The following SCLT1 variants were observed in gnomAD, a reference collection of about 807,000 sequenced individuals.
SCLT1 encodes the protein sodium channel and clathrin linker 1.
SCLT1 carries 78 observed loss-of-function variants against 112.8 expected under a neutral mutation model. The ratio of observed to expected loss-of-function variants is 0.69; its 90% CI spans 0.58 to 0.83. The LOEUF (loss-of-function observed/expected upper bound fraction) is 0.83, where lower values mean the gene tolerates loss of function less well. SCLT1 is among the 40% of genes least tolerant of loss of function. The probability of loss-of-function intolerance (pLI) is 0.00; values close to 1 mark genes in which losing one functional copy is unlikely to be tolerated. For missense variants in SCLT1, 747 were observed against 770.4 expected (o/e 0.97, Z 0.36); for synonymous variants, 257 against 254.7 (o/e 1.01, Z -0.09).
intron 10 of SCLT1, among the ~76,000 whole-genome samples, chr4:128,969,072 A>T (rs1417419162): frequency 6.6e-6 from 1 of 152,148 alleles, no homozygotes; most frequent in East Asian, 1.9e-4. Context: ...AGCAAACTCA[A>T]ATATCTAGTT....
chr4:129,025,066 C>T (rs1416622448), intron 5 of SCLT1, among the ~76,000 whole-genome samples: 6 of 152,196 alleles, frequency 3.9e-5, no homozygotes, highest in African/African-American at 9.7e-5. Context: ...ACCAAATCTA[C>T]GTCTGATTGG....
At position 129,061,016 on chromosome 4, in the gene SCLT1, G is replaced by A. The variant is rs60436373; in HGVS notation, c.103-16965C>T. 5.3e-3 allele frequency among the ~76,000 whole-genome samples: 804 copies of A among 152,206 alleles called. 6 individuals carry two copies. The highest frequency in any genetic ancestry group is 0.018 in the African/African-American group (765 of 41,514). On this transcript the variant is annotated intron_variant, in intron 2 of 20. Transcript: ENST00000281142. Reference sequence around the variant, plus strand: ...CTTGTGGTTCTATCCCTGGGTGGGGGCAGGGCACAGCACTGGCCCAACTCC... The same window carrying A: ...CTTGTGGTTCTATCCCTGGGTGGGGACAGGGCACAGCACTGGCCCAACTCC...
At chr4:129,075,332 T>C (rs1751369857) in intron 2 of SCLT1, among the ~76,000 whole-genome samples, 1 of 152,148 alleles carries the variant, frequency 6.6e-6, no homozygotes, top group Admixed American at 6.6e-5. Context: ...AATCCTTTCG[T>C]TTATATCATG....
chr4:128,873,282 A>G (rs1732338517), intron 5 of SCLT1: 1 of 145,572 alleles, frequency 6.9e-6, no homozygotes, highest in Non-Finnish European at 1.5e-5. Flanking sequence ...AGAAAAAAAG[A>G]AAAAAAAAAG....
chr4:129,049,535 C>T (rs1488259261), intron 2 of SCLT1, among the ~76,000 whole-genome samples: 5 of 148,436 alleles, frequency 3.4e-5, no homozygotes, highest in East Asian at 4.0e-4. Context: ...CGCTAAATGA[C>T]GAGTTAATGT....
intron 18 of SCLT1, among the ~76,000 whole-genome samples, chr4:128,925,624 CATT>C (rs2125966710): frequency 6.6e-6 from 1 of 152,158 alleles, no homozygotes; most frequent in East Asian, 1.9e-4. Context: ...GTGTCTGGCC[CATT>C]ATTTCTTAAA....
intron 5 of SCLT1, among the ~76,000 whole-genome samples, chr4:129,026,605 T>C (rs1746113287): frequency 1.3e-5 from 2 of 151,676 alleles, no homozygotes; most frequent in South Asian, 4.2e-4. Flanking sequence ...GCAGGAAAGA[T>C]CCAAAATTGA....
At chr4:129,073,380 T>A (rs1166679138) in intron 2 of SCLT1, among the ~76,000 whole-genome samples, 2 of 152,216 alleles carry the variant, frequency 1.3e-5, no homozygotes, top group African/African-American at 4.8e-5. Flanking sequence ...TTGGGATGAC[T>A]GAACAGTTCA....
At chr4:129,091,766 T>C (rs1752842336) in intron 1 of SCLT1, among the ~76,000 whole-genome samples, 1 of 152,238 alleles carries the variant, frequency 6.6e-6, no homozygotes. Flanking sequence ...CTTGTGTTCT[T>C]ATACTCATTA....
At chr4:128,988,552 A>T (rs1442440908) in intron 9 of SCLT1, among the ~76,000 whole-genome samples, 1 of 151,966 alleles carries the variant, frequency 6.6e-6, no homozygotes, top group Non-Finnish European at 1.5e-5. Context: ...ACACAAAGGA[A>T]GACAGAAAGG....
In SCLT1 at chr4:128,895,911, G is replaced by T. The variant is rs1271936106; in HGVS notation, c.1830-4774C>A. 2.0e-5 allele frequency among the ~76,000 whole-genome samples: 3 copies of T among 152,320 alleles called. No individual in the cohort carries two copies. The East Asian group carries it at 5.8e-4, about 29-fold the overall frequency. ...TTATATCCTCTGCCTGGCTTGAAGG[G>T]TCCTATGCCCACGGAGCCTCGCTCA... On this transcript the variant is annotated intron_variant, in intron 18 of 20. Coordinates refer to ENST00000281142, the MANE Select transcript of SCLT1 (RefSeq NM_144643.4).
intron 5 of SCLT1, chr4:129,036,621 C>T (rs1747203967): frequency 6.6e-6 from 1 of 151,824 alleles, no homozygotes; most frequent in Non-Finnish European, 1.5e-5. Context: ...CTTTATTTTG[C>T]ACTTCAGTAA....
chr4:129,059,178 T>C (rs1749725900), intron 2 of SCLT1, among the ~76,000 whole-genome samples: 1 of 152,180 alleles, frequency 6.6e-6, no homozygotes, highest in Non-Finnish European at 1.5e-5. Context: ...TGTTTACAGG[T>C]GAAGTGAGTT....
intron 9 of SCLT1, among the ~76,000 whole-genome samples, chr4:128,979,965 A>G (rs560815554): frequency 6.6e-6 from 1 of 152,364 alleles, no homozygotes; most frequent in African/African-American, 2.4e-5. Flanking sequence ...ATATATAAAC[A>G]TTATTGAATA....
At chr4:128,969,849 A>G (rs1740536808) in intron 10 of SCLT1, among the ~76,000 whole-genome samples, 1 of 152,222 alleles carries the variant, frequency 6.6e-6, no homozygotes, top group South Asian at 2.1e-4. Flanking sequence ...CCATTATTAG[A>G]AATCTATAAT....
At chr4:129,039,011 A>G (rs374856116) in intron 5 of SCLT1, 30 bp downstream of exon 5, 1 of 1,291,788 alleles carries the variant, frequency 7.7e-7, no homozygotes, top group Non-Finnish European at 1.1e-6. Flanking sequence ...GACAATAATA[A>G]AAGATAAAAC....
intron 1 of SCLT1, among the ~76,000 whole-genome samples, chr4:129,089,451 G>T (rs1752653336): frequency 6.6e-6 from 1 of 152,218 alleles, no homozygotes; most frequent in Non-Finnish European, 1.5e-5. Flanking sequence ...GGAAGACAGT[G>T]TGGCGATTCC....
chr4:129,024,109 C>A (rs1484408307), intron 5 of SCLT1, among the ~76,000 whole-genome samples: 1 of 152,206 alleles, frequency 6.6e-6, no homozygotes, highest in East Asian at 1.9e-4. Flanking sequence ...CCTCTGGGGG[C>A]AGGGCACAGA....
At chr4:129,026,748 T>C (rs1456448254) in intron 5 of SCLT1, among the ~76,000 whole-genome samples, 1 of 151,882 alleles carries the variant, frequency 6.6e-6, no homozygotes, top group Non-Finnish European at 1.5e-5. Flanking sequence ...TTCAAAAAAT[T>C]AATGAATCCA....
Sources: allele counts gnomAD v4.1 joint callset (sites outside exome capture counted in the v4.1 genomes callset), GRCh38; gene constraint gnomAD v4.1.1; transcripts MANE v1.5; gene names NCBI Gene and HGNC (gene_info 2026-07-23, HGNC 2026-07-21).